The following PRKAG2 variants were observed in gnomAD, a reference collection of about 807,000 sequenced individuals.
PRKAG2 encodes the protein protein kinase AMP-activated non-catalytic subunit gamma 2, also known as 5'-AMP-activated protein kinase subunit gamma-2.
PRKAG2 carries 26 observed loss-of-function variants against 69.6 expected under a neutral mutation model. The ratio of observed to expected loss-of-function variants is 0.37; its 90% confidence interval spans 0.27 to 0.52. The LOEUF is 0.52. Among genes scored for constraint, PRKAG2 ranks in the 20% least tolerant of loss-of-function variants. PRKAG2 has a pLI of 0.90. For synonymous variants in PRKAG2, 293 were observed against 285.0 expected, an observed-to-expected ratio of 1.03 and a Z score of -0.28; for missense variants, 557 against 740.0, an observed-to-expected ratio of 0.75 and a Z score of 2.87.
intron 3 of PRKAG2, among the ~76,000 whole-genome samples, chr7:151,773,051 G>A (rs1383456805): frequency 3.1e-3 from 121 of 39,208 alleles, no homozygotes; most frequent in African/African-American, 3.5e-3. Flanking sequence ...GAGAGAGAGA[G>A]AGGGAGGGAG....
chr7:151,631,036 T>C (rs1208967378), intron 5 of PRKAG2, among the ~76,000 whole-genome samples: 1 of 152,250 alleles, frequency 6.6e-6, no homozygotes, highest in East Asian at 1.9e-4. Context: ...AACACGTCCA[T>C]GCTGGCTGTG....
chr7:151,876,370 A>T, intron 1 of PRKAG2, 137 bp downstream of exon 1: 1 of 854,566 alleles, frequency 1.2e-6, no homozygotes, highest in Non-Finnish European at 1.9e-6. Flanking sequence ...CTGTCCCTCT[A>T]CCCTTTCCCC....
chr7:151,670,320 C>G (rs920999949), intron 4 of PRKAG2, among the ~76,000 whole-genome samples: 3 of 152,176 alleles, frequency 2.0e-5, no homozygotes, highest in African/African-American at 7.2e-5. Flanking sequence ...ATTAATCAAC[C>G]ACTACCTTCC....
At chr7:151,857,093 A>T (rs2079799280) in intron 1 of PRKAG2, among the ~76,000 whole-genome samples, 1 of 148,454 alleles carries the variant, frequency 6.7e-6, no homozygotes, top group Non-Finnish European at 1.5e-5. Flanking sequence ...CCTAAGACCC[A>T]TCTATTTGCA....
chr7:151,795,421 A>G (rs1428322088), intron 1 of PRKAG2, among the ~76,000 whole-genome samples: 1 of 151,808 alleles, frequency 6.6e-6, no homozygotes, highest in Non-Finnish European at 1.5e-5. Flanking sequence ...CGGTCTTCAC[A>G]GGTGGCACTG....
intron 6 of PRKAG2, among the ~76,000 whole-genome samples, chr7:151,590,628 G>C (rs964442551): frequency 6.6e-6 from 1 of 152,190 alleles, no homozygotes; most frequent in African/African-American, 2.4e-5. Flanking sequence ...GCCTAGCGTG[G>C]GCCTCTCACC....
chr7:151,670,174 C>A (rs553529444), intron 4 of PRKAG2, among the ~76,000 whole-genome samples: 226 of 152,200 alleles, frequency 1.5e-3, no homozygotes, highest in Non-Finnish European at 2.7e-3. Context: ...CCACATACAC[C>A]CACACACATG....
chr7:151,727,537 C>T (rs914962941), intron 3 of PRKAG2, among the ~76,000 whole-genome samples: 7 of 152,192 alleles, frequency 4.6e-5, no homozygotes, highest in South Asian at 2.1e-4. Flanking sequence ...GGCTGGCGCA[C>T]GGGTGCCTGC....
chr7:151,728,363 A>G (rs2536067), intron 3 of PRKAG2, among the ~76,000 whole-genome samples: 93,268 of 152,028 alleles, frequency 0.61, 30,324 homozygotes, highest in East Asian at 0.89. Context: ...TCATCTGGAA[A>G]TTGGAACCCC....
chr7:151,723,432 G>A (rs1176367970), intron 3 of PRKAG2, among the ~76,000 whole-genome samples: 1 of 152,210 alleles, frequency 6.6e-6, no homozygotes, highest in Non-Finnish European at 1.5e-5. Context: ...GAGTTAGAAT[G>A]TAGTAGGCTT....
intron 3 of PRKAG2, among the ~76,000 whole-genome samples, chr7:151,747,012 A>C (rs1219272042): frequency 6.6e-6 from 1 of 152,232 alleles, no homozygotes; most frequent in Non-Finnish European, 1.5e-5. Flanking sequence ...CTTTATTCGC[A>C]GCAAATTGTG....
intron 6 of PRKAG2, among the ~76,000 whole-genome samples, chr7:151,582,795 G>GC (rs1810803740): frequency 6.6e-6 from 1 of 152,214 alleles, no homozygotes; most frequent in African/African-American, 2.4e-5. Flanking sequence ...GGGCTCCTTG[G>GC]CCCGTGCCAG....
intron 4 of PRKAG2, among the ~76,000 whole-genome samples, chr7:151,663,155 A>G (rs1319353754): frequency 1.3e-5 from 2 of 152,164 alleles, no homozygotes; most frequent in Non-Finnish European, 1.5e-5. Context: ...GGGAAGGGCA[A>G]GTTTATGCTG....
chr7:151,864,684 G>A (rs933702862), intron 1 of PRKAG2, among the ~76,000 whole-genome samples: 1 of 152,196 alleles, frequency 6.6e-6, no homozygotes, highest in Admixed American at 6.5e-5. Context: ...CAGCTCCCCA[G>A]GGGTGAAATA....
chr7:151,715,921 T>G (rs1409005053), intron 3 of PRKAG2, among the ~76,000 whole-genome samples: 1 of 152,170 alleles, frequency 6.6e-6, no homozygotes, highest in Non-Finnish European at 1.5e-5. Flanking sequence ...CATCTTAGGC[T>G]TCCAGGAAGG....
chr7:151,874,156 G>A (rs1016653213), intron 1 of PRKAG2, among the ~76,000 whole-genome samples: 2 of 110,550 alleles, frequency 1.8e-5, no homozygotes, highest in African/African-American at 6.8e-5. Flanking sequence ...ATATGTATAT[G>A]ATGTATATGT....
chr7:151,832,691 G>A (rs2079066166), intron 1 of PRKAG2, among the ~76,000 whole-genome samples: 1 of 151,886 alleles, frequency 6.6e-6, no homozygotes, highest in African/African-American at 2.4e-5. Context: ...CCACTCCTGA[G>A]GGGCCGCTCT....
intron 1 of PRKAG2, among the ~76,000 whole-genome samples, chr7:151,876,100 C>T (rs1402754940): frequency 2.0e-5 from 3 of 149,174 alleles, no homozygotes; most frequent in Non-Finnish European, 3.0e-5. Flanking sequence ...CCCCTCTCTC[C>T]GTCTCCAGCA....
intron 1 of PRKAG2, among the ~76,000 whole-genome samples, chr7:151,821,465 T>C (rs1404249465): frequency 2.6e-5 from 4 of 152,198 alleles, no homozygotes; most frequent in Admixed American, 2.6e-4. Context: ...CGGGGCTGAA[T>C]GTCTGTGACC....
Sources: gnomAD v4.1 joint callset for allele counts (sites outside exome capture counted in the v4.1 genomes callset) on GRCh38, gnomAD v4.1.1 for gene constraint, MANE v1.5 for transcripts, NCBI Gene and HGNC (gene_info 2026-07-23, HGNC 2026-07-21) for gene names.